PRKAR2B: variants seen among roughly 807,000 people sequenced by gnomAD.
PRKAR2B encodes protein kinase cAMP-dependent type II regulatory subunit beta.
PRKAR2B carries 14 observed loss-of-function variants against 49.9 expected under a neutral mutation model. That is an observed-to-expected ratio of 0.28 (90% CI 0.19 to 0.44). The LOEUF is 0.44. Among genes scored for constraint, PRKAR2B ranks in the 20% least tolerant of loss-of-function variants. The probability of loss-of-function intolerance (pLI) is 1.00; values close to 1 mark genes in which losing one functional copy is unlikely to be tolerated. For synonymous variants in PRKAR2B, 196 were observed against 197.7 expected, an observed-to-expected ratio of 0.99 and a Z score of 0.07; for missense variants, 393 against 537.9, an observed-to-expected ratio of 0.73 and a Z score of 2.67.
chr7:107,072,585 G>T (rs1000891946), intron 2 of PRKAR2B, among the ~76,000 whole-genome samples: 2 of 152,124 alleles, frequency 1.3e-5, no homozygotes, highest in African/African-American at 2.4e-5. Context: ...AAAAGTTTGT[G>T]TAAAATGTTT....
chr7:107,050,333 C>CTTTTTT lies in PRKAR2B; in HGVS notation c.307+5143_307+5148dup, dbSNP rs57752789. Among the ~76,000 whole-genome samples, 348 of 68,588 alleles carry CTTTTTT rather than the reference C, an allele frequency of 5.1e-3. 70 individuals carry two copies. Among genetic ancestry groups the CTTTTTT allele is most frequent in the African/African-American group, 0.022 (309 of 13,954 alleles). The allele number at this position is 68,588 out of a possible 152,430, so 45.0% of individuals were successfully genotyped here. A position where few individuals can be genotyped will look rare whatever the true frequency, so the allele number is the denominator to read the frequency against. On this transcript the variant is annotated intron_variant, in intron 1 of 10. Coordinates refer to ENST00000265717, the MANE Select transcript of PRKAR2B (RefSeq NM_002736.3). ...TTATTTTAGATAAGACAGTTACCAG[C>CTTTTTT]TTTTTTTTTTTTTTTTTTTTTTTTT...
At chr7:107,157,508 T>C (rs573542662) in intron 10 of PRKAR2B, among the ~76,000 whole-genome samples, 184 bp downstream of exon 10, 1 of 152,378 alleles carries the variant, frequency 6.6e-6, no homozygotes, top group African/African-American at 2.4e-5. Context: ...TCGAAATTTT[T>C]ACATCCAGAT....
At chr7:107,142,221 G>A (rs1795802390) in intron 5 of PRKAR2B, among the ~76,000 whole-genome samples, 1 of 152,054 alleles carries the variant, frequency 6.6e-6, no homozygotes, top group Admixed American at 6.6e-5. Context: ...TGGCTCTGTG[G>A]GTGGTATCTT....
At chr7:107,129,451 G>C (rs1232658287) in intron 4 of PRKAR2B, among the ~76,000 whole-genome samples, 1 of 152,094 alleles carries the variant, frequency 6.6e-6, no homozygotes, top group Non-Finnish European at 1.5e-5. Context: ...TTGTATCTTT[G>C]CATCACTCTG....
intron 2 of PRKAR2B, among the ~76,000 whole-genome samples, chr7:107,086,109 T>C (rs1022861756): frequency 1.5e-4 from 23 of 152,238 alleles, no homozygotes; most frequent in African/African-American, 5.5e-4. Context: ...ATTTCCTTAT[T>C]TATGAGTGAA....
At chr7:107,071,746 C>T (rs1474801630) in intron 2 of PRKAR2B, among the ~76,000 whole-genome samples, 3 of 152,166 alleles carry the variant, frequency 2.0e-5, no homozygotes, top group Admixed American at 2.0e-4. Flanking sequence ...TTTCTGGGCA[C>T]GTTCCATTAG....
At chr7:107,147,696 C>T (rs930657332) in intron 6 of PRKAR2B, among the ~76,000 whole-genome samples, 1 of 152,158 alleles carries the variant, frequency 6.6e-6, no homozygotes. Flanking sequence ...TAAACAGCAT[C>T]GATTTAGGGA....
At chr7:107,147,174 G>A (rs996657250) in intron 6 of PRKAR2B, among the ~76,000 whole-genome samples, 2 of 152,138 alleles carry the variant, frequency 1.3e-5, no homozygotes, top group Admixed American at 6.5e-5. Flanking sequence ...AGCCGGGCAC[G>A]GTCGTGGGTG....
chr7:107,044,921 T>C lies in PRKAR2B; in HGVS notation c.14T>C (p.Ile5Thr), dbSNP rs1446038830. The C allele has an allele frequency of 1.3e-6, 2 of 1,597,584 alleles. No individual in the cohort carries two copies. Among genetic ancestry groups the C allele is most frequent in the Non-Finnish European group, 1.7e-6 (2 of 1,174,606 alleles). MSIE[I>T]PAGLTELLQG... ...CCCGGAGGCAGGATGAGCATCGAGA[T>C]CCCGGCGGGACTGACGGAGCTGCTG... is the stretch of plus-strand genomic sequence containing the variant. The change falls in exon 1 of 11, where the codon ATC becomes ACC. Residue 5 changes from isoleucine (I) to threonine (T), a missense_variant. Transcript: ENST00000265717.
chr7:107,086,423 A>G (rs957743427), intron 2 of PRKAR2B, among the ~76,000 whole-genome samples: 1 of 152,162 alleles, frequency 6.6e-6, no homozygotes, highest in Non-Finnish European at 1.5e-5. Flanking sequence ...TATGCTTGCT[A>G]GTAGCATTAC....
At chr7:107,126,251 CAA>C (rs528961832) in intron 3 of PRKAR2B, among the ~76,000 whole-genome samples, 13,214 of 85,046 alleles carry the variant, frequency 0.16, 886 homozygotes, top group African/African-American at 0.23. Context: ...ATACAAAATA[CAA>C]AAAAAAAAAA....
chr7:107,132,728 T>G (rs1180547318), intron 4 of PRKAR2B, among the ~76,000 whole-genome samples: 2 of 152,158 alleles, frequency 1.3e-5, no homozygotes, highest in Non-Finnish European at 2.9e-5. Flanking sequence ...AAGGGGAAAC[T>G]AATTAGTAAT....
intron 2 of PRKAR2B, among the ~76,000 whole-genome samples, chr7:107,073,627 A>G (rs1794329718): frequency 6.6e-6 from 1 of 152,228 alleles, no homozygotes; most frequent in Admixed American, 6.5e-5. Flanking sequence ...TATCTCTGAT[A>G]GCATCCTGAC....
chr7:107,054,215 G>C (rs896237738), intron 1 of PRKAR2B, among the ~76,000 whole-genome samples: 6 of 152,050 alleles, frequency 3.9e-5, no homozygotes, highest in Non-Finnish European at 8.8e-5. Flanking sequence ...TTAGCCTGGC[G>C]TGGTGGCAGT....
intron 2 of PRKAR2B, among the ~76,000 whole-genome samples, chr7:107,106,427 T>C (rs1040032574): frequency 1.3e-5 from 2 of 152,132 alleles, no homozygotes; most frequent in Non-Finnish European, 2.9e-5. Context: ...AGATGGACAA[T>C]AATATTTGCA....
chr7:107,087,903 T>A (rs578071765), intron 2 of PRKAR2B, among the ~76,000 whole-genome samples: 1 of 152,236 alleles, frequency 6.6e-6, no homozygotes, highest in Admixed American at 6.5e-5. Flanking sequence ...CATTTTAATT[T>A]AATTTATATA....
chr7:107,111,631 T>A (rs2116824512), intron 2 of PRKAR2B, among the ~76,000 whole-genome samples: 1 of 152,322 alleles, frequency 6.6e-6, no homozygotes, highest in Middle Eastern at 3.4e-3. Flanking sequence ...AAACATAATT[T>A]TTAAATGACT....
chr7:107,096,714 T>A (rs945712364), intron 2 of PRKAR2B, among the ~76,000 whole-genome samples: 5 of 152,244 alleles, frequency 3.3e-5, no homozygotes, highest in African/African-American at 1.2e-4. Flanking sequence ...TGTTTCTTTG[T>A]TCTCATTGGT....
In PRKAR2B at chr7:107,145,858, G is replaced by C. The variant is rs1795883171; in HGVS notation, c.588-450G>C. Among the ~76,000 whole-genome samples, 3 of 149,370 alleles carry C rather than the reference G, an allele frequency of 2.0e-5. No homozygotes were observed. The South Asian group carries it at 6.3e-4, about 31-fold the overall frequency. ...AGGTTCAAGTGATTCTCCTGCCTCA[G>C]CCTCCCGAGTAGCTGAGATTATGGG... On this transcript the variant is annotated intron_variant, in intron 5 of 10. Coordinates refer to ENST00000265717, the MANE Select transcript of PRKAR2B (RefSeq NM_002736.3).
Sources: allele counts gnomAD v4.1 joint callset (sites outside exome capture counted in the v4.1 genomes callset), GRCh38; gene constraint gnomAD v4.1.1; transcripts MANE v1.5; gene names NCBI Gene and HGNC (gene_info 2026-07-23, HGNC 2026-07-21).